Variants in SUCO observed in about 807,000 individuals in gnomAD.
The protein encoded by SUCO is SUN domain containing ossification factor.
SUCO carries 57 observed loss-of-function variants against 148.1 expected under a neutral mutation model. The ratio of observed to expected loss-of-function variants is 0.38; its 90% CI spans 0.31 to 0.48. The LOEUF (loss-of-function observed/expected upper bound fraction) is 0.48. SUCO is among the 20% of genes least tolerant of loss of function. The probability of loss-of-function intolerance (pLI) is 0.96; values close to 1 mark genes in which losing one functional copy is unlikely to be tolerated. For synonymous variants in SUCO, 470 were observed against 502.7 expected (o/e 0.93, Z 0.87); for missense variants, 1,331 against 1,468.2 (o/e 0.91, Z 1.53).
In SUCO at chr1:172,589,212, G is replaced by A. The variant is rs1034505019; in HGVS notation, c.2111G>A (p.Ser704Asn). 1 of 1,614,004 alleles carries A rather than the reference G, an allele frequency of 6.2e-7. No homozygotes were observed. Among genetic ancestry groups the A allele is most frequent in the Non-Finnish European group, 8.5e-7 (1 of 1,179,916 alleles). The change falls in exon 18 of 24, where the codon AGT becomes AAT. Residue 704 changes from serine to asparagine, a missense_variant. Ser to Asn is a conservative substitution (Grantham distance 46). This residue lies in a region of SUCO where 992 missense variants were observed against 1,093.5 expected (regional missense o/e 0.91). Transcript: ENST00000263688. ...AETVVLGDLS[S>N]SMHQDDLVNH... ...ACTGTTGTTCTGGGTGATTTAAGTAGTAGTATGCACCAGGATGACTTGGTG... is the reference window on the plus strand; with the variant it reads ...ACTGTTGTTCTGGGTGATTTAAGTAATAGTATGCACCAGGATGACTTGGTG...
intron 1 of SUCO, among the ~76,000 whole-genome samples, chr1:172,535,480 A>T (rs868389257): frequency 6.6e-6 from 1 of 152,304 alleles, no homozygotes; most frequent in South Asian, 2.1e-4. Flanking sequence ...GGCAAAGGGT[A>T]TGTTTTTTCT....
In SUCO at chr1:172,557,288, A is replaced by G. The variant is rs767198141; in HGVS notation, c.452A>G (p.Glu151Gly). 1 of 1,611,000 alleles carries G rather than the reference A, an allele frequency of 6.2e-7. No individual in the cohort carries two copies. Among genetic ancestry groups the G allele is most frequent in the East Asian group, 2.2e-5 (1 of 44,830 alleles). Reference protein sequence around the residue: ...ITPISKLDEIEKSGTIPIAKP... With the variant: ...ITPISKLDEIGKSGTIPIAKP... ...CTTGTTTCTTTTTTTAGTGAAATAG[A>G]AAAATCTGGTACTATTCCGATAGCC... The change falls in exon 5 of 24, where the codon GAA (glutamate) becomes GGA (glycine). Residue 151 changes from glutamate (E) to glycine (G), a missense_variant. Glu to Gly is a moderately conservative substitution (Grantham distance 98). Transcript: ENST00000263688.
chr1:172,567,756 A>G (rs1300365620), intron 6 of SUCO, among the ~76,000 whole-genome samples: 1 of 152,232 alleles, frequency 6.6e-6, no homozygotes, highest in Non-Finnish European at 1.5e-5. Flanking sequence ...GGGATTATGC[A>G]CATCTTAATA....
intron 23 of SUCO, chr1:172,609,407 C>A: frequency 1.1e-6 from 1 of 948,012 alleles, no homozygotes; most frequent in Non-Finnish European, 1.3e-6. Context: ...CTGCTTACTA[C>A]ATTGTAACTT....
At chr1:172,550,321 C>T (rs1653195790) in intron 1 of SUCO, among the ~76,000 whole-genome samples, 1 of 151,952 alleles carries the variant, frequency 6.6e-6, no homozygotes, top group African/African-American at 2.4e-5. Flanking sequence ...CAAATATTGG[C>T]AATTTCAAAC....
rs1177525164 is a variant in SUCO at position 172,577,789 on chromosome 1, C to T, written c.1310C>T (p.Ser437Leu). ...GTTGAGTTGCTATCACATTTTGGAT[C>T]AGAGCACTTTTGTCCATTAAGCCTT... is the stretch of plus-strand genomic sequence containing the variant. ...IKVELLSHFGSEHFCPLSLIR... is the reference protein window; with the variant it reads ...IKVELLSHFGLEHFCPLSLIR... Residue 437 changes from serine to leucine, a missense_variant, in exon 13 of 24, where the codon TCA becomes TTA. By Grantham distance (145) the Ser-to-Leu change is moderately radical (BLOSUM62 -2). Coordinates refer to ENST00000263688, the MANE Select transcript of SUCO (RefSeq NM_014283.5). The T allele has an allele frequency of 1.2e-6, 2 of 1,611,696 alleles. No individual in the cohort carries two copies. Among genetic ancestry groups the T allele is most frequent in the South Asian group, 2.2e-5 (2 of 90,864 alleles).
At position 172,602,206 on chromosome 1, in the gene SUCO, C is replaced by G. The variant is rs949371923; in HGVS notation, c.3161C>G (p.Pro1054Arg). Reference protein sequence around the residue: ...ISKLPKSNQYPSPKRCFSSYD... With the variant: ...ISKLPKSNQYRSPKRCFSSYD... ...AAACTTCCTAAAAGTAATCAGTATC[C>G]AAGCCCTAAAAGGTAATATCAGCAT... The change falls in exon 21 of 24, where the codon CCA becomes CGA. Residue 1054 changes from proline to arginine, a missense_variant. This residue lies in a region of SUCO where 334 missense variants were observed against 352.3 expected (regional missense o/e 0.95). Coordinates refer to ENST00000263688, the MANE Select transcript of SUCO (RefSeq NM_014283.5). 1.2e-6 allele frequency: 2 copies of G among 1,608,440 alleles called. No individual in the cohort carries two copies. Among genetic ancestry groups the G allele is most frequent in the Non-Finnish European group, 1.7e-6 (2 of 1,177,180 alleles).
chr1:172,574,668 T>G (rs1033529912), intron 10 of SUCO, among the ~76,000 whole-genome samples: 16 of 152,058 alleles, frequency 1.1e-4, no homozygotes, highest in African/African-American at 3.9e-4. Context: ...GTGTACACAT[T>G]ATTTTTTGTT....
intron 1 of SUCO, among the ~76,000 whole-genome samples, chr1:172,545,547 A>G (rs1365493035): frequency 1.3e-5 from 2 of 152,174 alleles, no homozygotes; most frequent in Non-Finnish European, 1.5e-5. Flanking sequence ...TTAAGTTAAA[A>G]CAGCAGTCAG....
At chr1:172,550,555 T>A (rs1391755006) in intron 1 of SUCO, among the ~76,000 whole-genome samples, 1 of 152,020 alleles carries the variant, frequency 6.6e-6, no homozygotes, top group Non-Finnish European at 1.5e-5. Context: ...ACTCATTGTT[T>A]GGAACTACAG....
At chr1:172,601,812 G>T (rs577257747) in intron 20 of SUCO, among the ~76,000 whole-genome samples, 1 of 152,062 alleles carries the variant, frequency 6.6e-6, no homozygotes, top group Non-Finnish European at 1.5e-5. Flanking sequence ...ATAGATAAAG[G>T]TGTAAATATA....
intron 15 of SUCO, 37 bp downstream of exon 15, chr1:172,579,304 T>C (rs555848836): frequency 3.1e-6 from 4 of 1,307,378 alleles, no homozygotes; most frequent in Non-Finnish European, 4.4e-6. Context: ...ATTCTACTAC[T>C]TTTTCATTCT....
At chr1:172,558,891 C>A (rs1320643701) in intron 6 of SUCO, among the ~76,000 whole-genome samples, 1 of 152,190 alleles carries the variant, frequency 6.6e-6, no homozygotes, top group Non-Finnish European at 1.5e-5. Context: ...ACTGAAATTT[C>A]TTTATTACCT....
intron 17 of SUCO, 40 bp from the exon 18 acceptor site, chr1:172,588,720 C>T: frequency 7.6e-7 from 1 of 1,323,834 alleles, no homozygotes; most frequent in Non-Finnish European, 9.8e-7. Flanking sequence ...CTTTAGACTT[C>T]TAAGTAAGTG....
chr1:172,602,806 A>T lies in SUCO; in HGVS notation c.3265+19A>T. 6.4e-7 allele frequency: 1 copy of T among 1,562,342 alleles called. No individual in the cohort carries two copies. Among genetic ancestry groups the T allele is most frequent in the Non-Finnish European group, 8.8e-7 (1 of 1,135,664 alleles). ...AAAGAAGGTAGATTTCTGTGGATAT[A>T]TAATATGTATATATAAACATGAAAC... On this transcript the variant is annotated intron_variant, in intron 22 of 23. Transcript: ENST00000263688.
chr1:172,537,209 G>A (rs1652090448), intron 1 of SUCO, among the ~76,000 whole-genome samples: 1 of 152,020 alleles, frequency 6.6e-6, no homozygotes, highest in Non-Finnish European at 1.5e-5. Flanking sequence ...TATAAGTTAT[G>A]TACATGTGCC....
intron 22 of SUCO, among the ~76,000 whole-genome samples, chr1:172,605,636 T>A (rs1362169844): frequency 6.6e-6 from 1 of 151,858 alleles, no homozygotes; most frequent in Non-Finnish European, 1.5e-5. Context: ...TTTCCTTATT[T>A]GAGGTCACTT....
In SUCO at chr1:172,594,419, T is replaced by C. The variant is rs1210734343; in HGVS notation, c.2913+3348T>C. Reference sequence around the variant, plus strand: ...CTTACTTTTTCTTGTGGGCATTTAGTGCTATAAATTTCCCTGTACACACTG... The same window carrying C: ...CTTACTTTTTCTTGTGGGCATTTAGCGCTATAAATTTCCCTGTACACACTG... On this transcript the variant is annotated intron_variant, in intron 19 of 23. Transcript: ENST00000263688. Among the ~76,000 whole-genome samples, 5 of 152,340 alleles carry C rather than the reference T, an allele frequency of 3.3e-5. No homozygotes were observed. In the East Asian group the frequency reaches 9.6e-4, roughly 29 times the overall value.
intron 1 of SUCO, among the ~76,000 whole-genome samples, chr1:172,534,054 G>A (rs75921037): frequency 0.037 from 5,600 of 152,264 alleles, 356 homozygotes; most frequent in African/African-American, 0.13. Context: ...GTGTGTATGT[G>A]TGTTATGAAG....
Sources: gnomAD v4.1 joint callset for allele counts (sites outside exome capture counted in the v4.1 genomes callset) on GRCh38, gnomAD v4.1.1 for gene constraint, gnomAD v4.1.1 regional missense constraint, MANE v1.5 for transcripts, NCBI Gene and HGNC (gene_info 2026-07-23, HGNC 2026-07-21) for gene names.